KLC1: variants seen among roughly 807,000 people sequenced by gnomAD.
KLC1 encodes the protein kinesin 2 60/70kDa.
A neutral mutation model predicts 84.2 loss-of-function variants in KLC1; 30 were observed. That is an observed-to-expected ratio of 0.36 (90% confidence interval 0.27 to 0.48). The LOEUF (loss-of-function observed/expected upper bound fraction) is 0.48. KLC1 is among the 20% of genes least tolerant of loss of function. The pLI is 0.99. For synonymous variants in KLC1, 289 were observed against 293.3 expected (o/e 0.99, Z 0.15); for missense variants, 499 against 805.4 (o/e 0.62, Z 4.60).
In KLC1 at chr14:103,671,235, C is replaced by T. The variant is rs767783528; in HGVS notation, c.987+952C>T. Among the ~76,000 whole-genome samples, 15 of 152,102 alleles carry T rather than the reference C, an allele frequency of 9.9e-5. 1 individual carries two copies. In the South Asian group the frequency reaches 1.9e-3, roughly 19 times the overall value. ...AAGTCAATGTCATATATATTTAATA[C>T]CAGCTGCTACAGTTCATGGTAATTA... On this transcript the variant is annotated intron_variant, in intron 7 of 16. Transcript: ENST00000334553.
At chr14:103,637,041 GT>G (rs144848248) in intron 1 of KLC1, among the ~76,000 whole-genome samples, 53 of 138,376 alleles carry the variant, frequency 3.8e-4, no homozygotes, top group Non-Finnish European at 3.8e-4. Context: ...TTCCTTACAT[GT>G]TTTTTTTTTT....
At chr14:103,666,782 T>C (rs1160884768) in intron 5 of KLC1, among the ~76,000 whole-genome samples, 22 of 143,284 alleles carry the variant, frequency 1.5e-4, no homozygotes, top group African/African-American at 5.2e-4. Flanking sequence ...TCTTTCTTTT[T>C]TTTTTTTTTT....
At chr14:103,660,474 C>T (rs1211352906) in intron 3 of KLC1, among the ~76,000 whole-genome samples, 1 of 136,876 alleles carries the variant, frequency 7.3e-6, no homozygotes, top group Non-Finnish European at 1.6e-5. Flanking sequence ...GAGTAAAGCT[C>T]TGTCTCAAAA....
chr14:103,665,804 T>A (rs2079732390), intron 5 of KLC1, among the ~76,000 whole-genome samples: 1 of 152,224 alleles, frequency 6.6e-6, no homozygotes. Flanking sequence ...TAGTCCTTGG[T>A]ACCTGCTGCC....
At chr14:103,673,255 C>G (rs1413258706) in intron 8 of KLC1, 68 bp downstream of exon 8, 1 of 1,563,772 alleles carries the variant, frequency 6.4e-7, no homozygotes, top group South Asian at 1.2e-5. Context: ...AACACTTTCT[C>G]ATTTAACTGG....
intron 7 of KLC1, among the ~76,000 whole-genome samples, chr14:103,672,685 A>C (rs981174026): frequency 2.6e-5 from 4 of 152,206 alleles, no homozygotes; most frequent in African/African-American, 9.7e-5. Context: ...TACAAAGCCC[A>C]TTTCCTTATC....
chr14:103,653,127 C>G (rs1244886681), intron 1 of KLC1, among the ~76,000 whole-genome samples: 2 of 152,030 alleles, frequency 1.3e-5, no homozygotes, highest in Non-Finnish European at 2.9e-5. Context: ...AAGATCAAGT[C>G]CCTGCCTTTT....
At chr14:103,646,926 A>C (rs150430215) in intron 1 of KLC1, among the ~76,000 whole-genome samples, 1 of 152,096 alleles carries the variant, frequency 6.6e-6, no homozygotes, top group African/African-American at 2.4e-5. Context: ...AACTATTTCT[A>C]TTTTTCATAT....
rs534960975 is a variant in KLC1 at position 103,650,110 on chromosome 14, C to CT, written c.-1-4443dup. Among the ~76,000 whole-genome samples, 660 of 145,074 alleles carry CT rather than the reference C, an allele frequency of 4.5e-3. 6 individuals are homozygous for CT. Among genetic ancestry groups the CT allele is most frequent in the East Asian group, 0.021 (106 of 5,050 alleles). On this transcript the variant is annotated intron_variant, in intron 1 of 16. Coordinates refer to ENST00000334553, the MANE Select transcript of KLC1 (RefSeq NM_001394837.1). Reference sequence around the variant, plus strand: ...GTAAATAATGGAACTTTAAATAGGACTTTTTTTTTTTAAGGAATAAAAGCA... The same window carrying CT: ...GTAAATAATGGAACTTTAAATAGGACTTTTTTTTTTTTAAGGAATAAAAGCA...
chr14:103,636,515 T>C (rs4526964), intron 1 of KLC1, among the ~76,000 whole-genome samples: 142,009 of 152,058 alleles, frequency 0.93, 66,551 homozygotes, highest in East Asian at 0.98. Context: ...CCACCGTGCC[T>C]GGCCTTGCCT....
intron 15 of KLC1, chr14:103,697,073 G>T: frequency 1.0e-6 from 1 of 985,374 alleles, no homozygotes; most frequent in African/African-American, 1.7e-5. Context: ...TTTTCTAATC[G>T]CTGGCATGTC....
In KLC1 at chr14:103,657,546, G is replaced by A. The variant is rs746276105; in HGVS notation, c.262G>A (p.Val88Ile). 5 of 1,613,542 alleles carry A rather than the reference G, an allele frequency of 3.1e-6. No homozygotes were observed. The South Asian group carries it at 4.4e-5, about 14-fold the overall frequency. The stretch of plus-strand genomic sequence containing the variant: ...GCTGCACACGTTTCTGTCTGCTCAG[G>A]TTATGATGGCTTTGTCAAATCACCT... ...MLELGLSEAQ[V>I]MMALSNHLNA... The change falls in exon 3 of 17, where the codon GTT (valine) becomes ATT (isoleucine). Residue 88 changes from valine to isoleucine, a missense_variant and splice_region_variant. Val to Ile is a conservative substitution (Grantham distance 29). This residue lies in a region of KLC1 where 179 missense variants were observed against 264.2 expected (regional missense o/e 0.68). Coordinates refer to ENST00000334553, the MANE Select transcript of KLC1 (RefSeq NM_001394837.1).
At chr14:103,682,013 C>G (rs2081380811) in intron 13 of KLC1, among the ~76,000 whole-genome samples, 2 of 152,212 alleles carry the variant, frequency 1.3e-5, no homozygotes, top group Non-Finnish European at 2.9e-5. Context: ...TTGTGTGCAT[C>G]AAGATTTTTT....
intron 14 of KLC1, among the ~76,000 whole-genome samples, chr14:103,688,685 G>C (rs2081928961): frequency 6.6e-6 from 1 of 152,154 alleles, no homozygotes; most frequent in Non-Finnish European, 1.5e-5. Context: ...GAGAGGTGCA[G>C]GCCTGAGGCA....
In KLC1 at chr14:103,670,299, G is replaced by T; in HGVS notation, c.987+16G>T. 6.4e-7 allele frequency: 1 copy of T among 1,570,758 alleles called. No individual in the cohort carries two copies. On this transcript the variant is annotated intron_variant, in intron 7 of 16. Transcript: ENST00000334553. ...CCGAGAAAAGGTACAAAAGAAGGGG[G>T]CAGTCGTTTTCTTTGAGATTTTTGT...
At chr14:103,696,092 GCCC>G in intron 15 of KLC1, 2 of 761,612 alleles carry the variant, frequency 2.6e-6, no homozygotes, top group Non-Finnish European at 3.0e-6. Context: ...TAATCACTGC[GCCC>G]CCGCCCCCCG....
rs57241043 is a variant in KLC1 at position 103,689,654 on chromosome 14, ACAGTGCTGGGGCTGCTGG to A, written c.1781+2445_1781+2462del. Among the ~76,000 whole-genome samples the A allele has an allele frequency of 6.2e-3, 938 of 152,260 alleles. 4 individuals carry two copies. Among genetic ancestry groups the A allele is most frequent in the Non-Finnish European group, 0.01 (696 of 68,012 alleles). ...GAATTTGCATTTCACACAAGTTCCC[ACAGTGCTGGGGCTGCTGG>A]CCCGGGGCCACTTTTTGAGAATCGC... is the stretch of plus-strand genomic sequence containing the variant. On this transcript the variant is annotated intron_variant, in intron 14 of 16. Transcript: ENST00000334553.
At chr14:103,677,303 A>T in intron 11 of KLC1, 112 bp from the exon 12 acceptor site, 1 of 731,546 alleles carries the variant, frequency 1.4e-6, no homozygotes, top group Non-Finnish European at 2.4e-6. Context: ...AGAAAGTTAA[A>T]ATATATTCAA....
intron 9 of KLC1, among the ~76,000 whole-genome samples, chr14:103,673,715 C>T (rs1030007443): frequency 1.3e-5 from 2 of 152,052 alleles, no homozygotes; most frequent in African/African-American, 2.4e-5. Flanking sequence ...CGAGGTCAGG[C>T]GATCGAGACC....
Sources: gnomAD v4.1 joint callset for allele counts (sites outside exome capture counted in the v4.1 genomes callset) on GRCh38, gnomAD v4.1.1 for gene constraint, gnomAD v4.1.1 regional missense constraint, MANE v1.5 for transcripts, NCBI Gene and HGNC (gene_info 2026-07-23, HGNC 2026-07-21) for gene names.